Variants in NOL4 observed in about 807,000 individuals in gnomAD.
The protein encoded by NOL4 is cancer/testis antigen 125.
In NOL4, 17 loss-of-function variants were observed where a neutral mutation model predicts 75.9. The ratio of observed to expected loss-of-function variants is 0.22; its 90% CI spans 0.15 to 0.34. The LOEUF (loss-of-function observed/expected upper bound fraction) is 0.34. Ranked by LOEUF, NOL4 falls within the 10% of genes least tolerant of loss-of-function variation. The pLI, the probability that NOL4 is intolerant of heterozygous loss-of-function variation, is 1.00. For missense variants in NOL4, 614 were observed against 793.5 expected, an observed-to-expected ratio of 0.77 and a Z score of 2.72; for synonymous variants, 292 against 289.9, an observed-to-expected ratio of 1.01 and a Z score of -0.07.
chr18:34,224,882 G>C lies in NOL4; in HGVS notation c.-1629C>G, dbSNP rs2037511585. On this transcript the variant is annotated 5_prime_UTR_variant, in exon 1 of 11. Coordinates refer to ENST00000261592, the MANE Select transcript of NOL4 (RefSeq NM_003787.5). ...GCGGCGGCTGGAGCCGGGACTGACA[G>C]CCCGGGCGGAGCGCAGGCAGCTCCA... 6.5e-6 allele frequency: 1 copy of C among 153,400 alleles called. No individual in the cohort carries two copies. The highest frequency in any genetic ancestry group is 1.5e-5 in the Non-Finnish European group (1 of 68,836). The allele number at this position is 153,400 out of a possible 1,614,324, so 9.5% of individuals were successfully genotyped here. A position where few individuals can be genotyped will look rare whatever the true frequency, so the allele number is the denominator to read the frequency against.
At chr18:33,969,499 G>C (rs929128593) in intron 6 of NOL4, among the ~76,000 whole-genome samples, 4 of 151,766 alleles carry the variant, frequency 2.6e-5, no homozygotes, top group Non-Finnish European at 5.9e-5. Context: ...TTTTCCAAAA[G>C]GTCAAAATTG....
At chr18:33,954,066 T>C (rs1297031651) in intron 8 of NOL4, among the ~76,000 whole-genome samples, 3 of 152,180 alleles carry the variant, frequency 2.0e-5, no homozygotes, top group Admixed American at 2.0e-4. Context: ...TGGGATTGGC[T>C]CTAGCACCTC....
chr18:34,169,541 T>C (rs987115746), intron 1 of NOL4, among the ~76,000 whole-genome samples: 3 of 150,328 alleles, frequency 2.0e-5, no homozygotes, highest in African/African-American at 7.3e-5. Context: ...GAACATCCAA[T>C]TGAAAGTCAG....
chr18:34,209,250 A>G (rs577028294), intron 1 of NOL4, among the ~76,000 whole-genome samples: 1 of 152,116 alleles, frequency 6.6e-6, no homozygotes, highest in East Asian at 1.9e-4. Flanking sequence ...TAGAAATGGT[A>G]AATAAAATTA....
rs1287659318 is a variant in NOL4, at chr18:34,135,712, G to A, written c.265-5692C>T. Among the ~76,000 whole-genome samples, 58 of 19,472 alleles carry A rather than the reference G, an allele frequency of 3.0e-3. 3 individuals are homozygous for A. Among genetic ancestry groups the A allele is most frequent in the East Asian group, 3.4e-3 (2 of 586 alleles). 12.8% of individuals were successfully genotyped at this position (19,472 alleles called of 152,430 possible). A position where few individuals can be genotyped will look rare whatever the true frequency, so the allele number is the denominator to read the frequency against. ...GACTCCATCTCAAAAAAAAAAAAAA[G>A]CTTTTCACACACAGAAGCAGCCCAG... is the stretch of plus-strand genomic sequence containing the variant. On this transcript the variant is annotated intron_variant, in intron 1 of 10. Transcript: ENST00000261592.
chr18:33,951,370 G>A (rs946964906), intron 8 of NOL4, among the ~76,000 whole-genome samples: 2 of 152,064 alleles, frequency 1.3e-5, no homozygotes, highest in African/African-American at 4.8e-5. Context: ...TTCGGTTGTA[G>A]ATAATGTGTT....
chr18:34,182,879 T>C (rs2034152686), intron 1 of NOL4, among the ~76,000 whole-genome samples: 1 of 151,728 alleles, frequency 6.6e-6, no homozygotes, highest in South Asian at 2.1e-4. Context: ...TACATGAAAT[T>C]TGACCATTCT....
chr18:33,982,171 G>GAA (rs1279593540), intron 6 of NOL4, among the ~76,000 whole-genome samples: 2 of 151,976 alleles, frequency 1.3e-5, no homozygotes, highest in African/African-American at 2.4e-5. Context: ...GCAATGAATA[G>GAA]AAAACAGTAA....
chr18:33,950,257 A>C (rs1350572899), intron 8 of NOL4, among the ~76,000 whole-genome samples: 1 of 151,982 alleles, frequency 6.6e-6, no homozygotes, highest in Non-Finnish European at 1.5e-5. Context: ...AAAAGAGTTA[A>C]AATTAAATGT....
At chr18:34,105,203 C>T (rs769370288) in intron 2 of NOL4, 43 bp from the exon 3 acceptor site, 3 of 1,227,690 alleles carry the variant, frequency 2.4e-6, no homozygotes, top group African/African-American at 1.5e-5. Context: ...TATAAGCTCA[C>T]TGAGCATGAT....
intron 1 of NOL4, among the ~76,000 whole-genome samples, chr18:34,140,800 T>C (rs914748971): frequency 6.6e-6 from 1 of 152,132 alleles, no homozygotes; most frequent in Non-Finnish European, 1.5e-5. Flanking sequence ...TTTGGCATGT[T>C]TTTGCAGTGG....
At chr18:34,056,655 T>C (rs2076846098) in intron 5 of NOL4, among the ~76,000 whole-genome samples, 1 of 152,156 alleles carries the variant, frequency 6.6e-6, no homozygotes, top group Non-Finnish European at 1.5e-5. Flanking sequence ...GAAGAGCCCT[T>C]GTATGGAATG....
chr18:33,883,768 T>C (rs1451912792), intron 9 of NOL4, among the ~76,000 whole-genome samples: 1 of 152,040 alleles, frequency 6.6e-6, no homozygotes, highest in Non-Finnish European at 1.5e-5. Context: ...TAAAATAGAA[T>C]ACTATACAGC....
At chr18:33,899,684 CTCT>C (rs2065633473) in intron 9 of NOL4, among the ~76,000 whole-genome samples, 1 of 152,134 alleles carries the variant, frequency 6.6e-6, no homozygotes, top group Admixed American at 6.6e-5. Flanking sequence ...GGACAAGTTG[CTCT>C]GGTGTTTACA....
At chr18:33,876,784 A>T (rs753834273) in intron 10 of NOL4, among the ~76,000 whole-genome samples, 9 of 152,124 alleles carry the variant, frequency 5.9e-5, no homozygotes, top group African/African-American at 1.9e-4. Context: ...GATTAAAACA[A>T]GCAAAAACTA....
intron 10 of NOL4, among the ~76,000 whole-genome samples, chr18:33,861,450 AG>A (rs1386852389): frequency 6.6e-6 from 1 of 152,092 alleles, no homozygotes; most frequent in Non-Finnish European, 1.5e-5. Context: ...CTCTGATGGT[AG>A]TTTGTATTTC....
At chr18:34,109,940 C>T (rs922465721) in intron 2 of NOL4, among the ~76,000 whole-genome samples, 3 of 151,086 alleles carry the variant, frequency 2.0e-5, no homozygotes, top group African/African-American at 4.9e-5. Flanking sequence ...TGCAGCATAC[C>T]AAGACTGAAT....
chr18:34,104,258 T>A (rs933537767), intron 3 of NOL4, 99 bp from the exon 4 acceptor site: 1 of 755,412 alleles, frequency 1.3e-6, no homozygotes, highest in Non-Finnish European at 2.3e-6. Context: ...GGATTTTAGA[T>A]ATCAAGTGTC....
At chr18:33,955,846 G>A (rs151281901) in intron 8 of NOL4, among the ~76,000 whole-genome samples, 244 of 152,058 alleles carry the variant, frequency 1.6e-3, no homozygotes, top group African/African-American at 5.5e-3. Flanking sequence ...CAACTATCTA[G>A]GTAATTTTTC....
Sources: allele counts gnomAD v4.1 joint callset (sites outside exome capture counted in the v4.1 genomes callset), GRCh38; gene constraint gnomAD v4.1.1; transcripts MANE v1.5; gene names NCBI Gene and HGNC (gene_info 2026-07-23, HGNC 2026-07-21).